The following SIN3A variants were observed in gnomAD, a reference collection of about 807,000 sequenced individuals.
SIN3A encodes the protein SIN3 transcription regulator family member A, also known as paired amphipathic helix protein Sin3a.
In SIN3A, 14 loss-of-function variants were observed where a neutral mutation model predicts 146.1. The ratio of observed to expected loss-of-function variants is 0.10; its 90% confidence interval spans 0.06 to 0.15. The LOEUF is 0.15. Among genes scored for constraint, SIN3A ranks in the 10% least tolerant of loss-of-function variants. The pLI, the probability that SIN3A is intolerant of heterozygous loss-of-function variation, is 1.00. For synonymous variants in SIN3A, 572 were observed against 572.0 expected (o/e 1.00, Z 0.00); for missense variants, 1,028 against 1,576.0 (o/e 0.65, Z 5.89).
chr15:75,444,393 A>G (rs757719740), intron 1 of SIN3A, among the ~76,000 whole-genome samples: 2 of 152,166 alleles, frequency 1.3e-5, no homozygotes, highest in Admixed American at 6.6e-5. Context: ...GTGAGCCAAG[A>G]TCGCGCTACT....
chr15:75,403,604 G>A (rs1241403250), intron 9 of SIN3A, among the ~76,000 whole-genome samples: 3 of 148,860 alleles, frequency 2.0e-5, no homozygotes, highest in East Asian at 2.1e-4. Flanking sequence ...GCAATGGCGC[G>A]ATCTCAGCTC....
At chr15:75,425,414 C>T (rs559312315) in intron 2 of SIN3A, among the ~76,000 whole-genome samples, 5 of 152,270 alleles carry the variant, frequency 3.3e-5, no homozygotes, top group South Asian at 4.1e-4. Context: ...ATGATCCACC[C>T]GTCTTGGGCT....
rs2072712570 is a variant in SIN3A at position 75,370,157 on chromosome 15, G to C, written c.*1822C>G. On this transcript the variant is annotated 3_prime_UTR_variant, in exon 21 of 21. Transcript: ENST00000394947. ...GGAGGCCGAGGTGGGAGGACTGCTT[G>C]AGCCTGGGAGGTCAAGCCTGCAGTG... The C allele has an allele frequency of 6.6e-6, 1 of 152,520 alleles. No homozygotes were observed. Among genetic ancestry groups the C allele is most frequent in the Non-Finnish European group, 1.5e-5 (1 of 68,106 alleles). 9.4% of individuals were successfully genotyped at this position (152,520 alleles called of 1,614,324 possible).
chr15:75,440,333 C>T (rs2074185579), intron 1 of SIN3A, among the ~76,000 whole-genome samples: 1 of 151,468 alleles, frequency 6.6e-6, no homozygotes, highest in South Asian at 2.1e-4. Context: ...CAGGTTCAAG[C>T]AATTCCTGTG....
chr15:75,420,402 G>A (rs2073821739), intron 3 of SIN3A: 1 of 151,196 alleles, frequency 6.6e-6, no homozygotes, highest in African/African-American at 2.4e-5. Flanking sequence ...TGTTTTTTCT[G>A]AGACGGAGTT....
At position 75,393,932 on chromosome 15, in the gene SIN3A, C is replaced by T. The variant is rs570959628; in HGVS notation, c.2277+748G>A. On this transcript the variant is annotated intron_variant, in intron 14 of 20. Coordinates refer to ENST00000394947, the MANE Select transcript of SIN3A (RefSeq NM_001145358.2). ...AAGCCATTCTCCCACCTCATTCTGC[C>T]GAGTAGCTGGGACTACAGGTGCACA... Among the ~76,000 whole-genome samples the T allele has an allele frequency of 3.3e-5, 5 of 152,178 alleles. No homozygotes were observed. In the South Asian group the frequency reaches 6.2e-4, roughly 19 times the overall value.
Position 75,422,705 on chromosome 15 carries a change from G to T in SIN3A, c.308C>A (p.Ala103Asp). The T allele has an allele frequency of 6.2e-7, 1 of 1,614,228 alleles. No homozygotes were observed. Among genetic ancestry groups the T allele is most frequent in the Non-Finnish European group, 8.5e-7 (1 of 1,180,044 alleles). ...PHGGQVVQSH[A>D]HPAPPVAPVQ... ...TGGTGCAACTGGTGGGGCTGGATGAGCATGACTCTGGACCACCTGGCCTCC... is the reference window on the plus strand; with the variant it reads ...TGGTGCAACTGGTGGGGCTGGATGATCATGACTCTGGACCACCTGGCCTCC... The change falls in exon 3 of 21, where the codon GCT becomes GAT. Residue 103 changes from alanine (A) to aspartate (D), a missense_variant. Physicochemically the swap from Ala to Asp is moderately radical, Grantham distance 126. Coordinates refer to ENST00000394947, the MANE Select transcript of SIN3A (RefSeq NM_001145358.2).
chr15:75,380,244 G>C (rs972832327), intron 19 of SIN3A, among the ~76,000 whole-genome samples: 2 of 152,216 alleles, frequency 1.3e-5, no homozygotes, highest in African/African-American at 2.4e-5. Flanking sequence ...TAGGAAGCTT[G>C]AGCCTGGCTT....
At chr15:75,438,486 T>A (rs936288292) in intron 1 of SIN3A, among the ~76,000 whole-genome samples, 53 of 152,132 alleles carry the variant, frequency 3.5e-4, no homozygotes, top group African/African-American at 1.2e-3. Context: ...GAGTTTGAGA[T>A]GAGCCTGGGC....
At chr15:75,439,289 C>G (rs561404983) in intron 1 of SIN3A, among the ~76,000 whole-genome samples, 23 of 152,014 alleles carry the variant, frequency 1.5e-4, no homozygotes, top group Non-Finnish European at 2.9e-4. Context: ...AAAATGTCAA[C>G]AGTGTGTGAA....
intron 2 of SIN3A, among the ~76,000 whole-genome samples, chr15:75,427,735 C>G (rs113919938): frequency 0.17 from 26,501 of 151,782 alleles, 3,096 homozygotes; most frequent in Non-Finnish European, 0.26. Context: ...TTTGGAAGGC[C>G]AAGAGGGGCA....
intron 11 of SIN3A, among the ~76,000 whole-genome samples, 199 bp from the exon 12 acceptor site, chr15:75,400,355 T>A (rs1007241762): frequency 1.3e-5 from 2 of 152,220 alleles, no homozygotes. Flanking sequence ...ATTCCAGTGC[T>A]TTGGGAGGAC....
At chr15:75,386,501 G>A (rs2073083438) in intron 16 of SIN3A, among the ~76,000 whole-genome samples, 2 of 152,302 alleles carry the variant, frequency 1.3e-5, no homozygotes, top group South Asian at 4.1e-4. Context: ...GCTAATTGGA[G>A]ATGACAGAGA....
At chr15:75,410,084 C>T (rs775325520) in intron 7 of SIN3A, 50 bp downstream of exon 7, 65 of 1,603,622 alleles carry the variant, frequency 4.1e-5, no homozygotes, top group Admixed American at 1.7e-5. Context: ...TTTTCCAACT[C>T]ATCTAAGATA....
At chr15:75,396,603 T>C (rs2073309335) in intron 12 of SIN3A, 107 bp from the exon 13 acceptor site, 5 of 779,392 alleles carry the variant, frequency 6.4e-6, no homozygotes, top group Non-Finnish European at 1.1e-5. Context: ...ATTTGAATCC[T>C]GGTTCTGCCC....
chr15:75,428,163 A>C, intron 2 of SIN3A, among the ~76,000 whole-genome samples: 1 of 152,214 alleles, frequency 6.6e-6, no homozygotes, highest in East Asian at 1.9e-4. Context: ...GAACTTGCTA[A>C]AGATGCATAT....
intron 5 of SIN3A, 112 bp downstream of exon 5, chr15:75,412,651 A>G (rs1025860315): frequency 8.9e-7 from 1 of 1,123,338 alleles, no homozygotes; most frequent in African/African-American, 1.6e-5. Flanking sequence ...CTATGACGAA[A>G]TCTTTGTAAC....
chr15:75,454,739 AG>A (rs1332465130), upstream of SIN3A, among the ~76,000 whole-genome samples: 2 of 150,712 alleles, frequency 1.3e-5, no homozygotes, highest in African/African-American at 4.9e-5. Flanking sequence ...CCTCGCGGGA[AG>A]GGGGAGCCCG....
chr15:75,402,021 G>T (rs984834032), intron 9 of SIN3A, 51 bp from the exon 10 acceptor site: 3 of 1,188,738 alleles, frequency 2.5e-6, no homozygotes, highest in East Asian at 4.7e-5. Flanking sequence ...TTAAAGTGGG[G>T]AACTGAAAAG....
Sources: allele counts gnomAD v4.1 joint callset (sites outside exome capture counted in the v4.1 genomes callset), GRCh38; gene constraint gnomAD v4.1.1; transcripts MANE v1.5; gene names NCBI Gene and HGNC (gene_info 2026-07-23, HGNC 2026-07-21).